LMBRD1: variants seen among roughly 807,000 people sequenced by gnomAD.
LMBRD1 encodes LMBR1 domain containing 1, also known as lysosomal cobalamin transport escort protein LMBD1.
A neutral mutation model predicts 74.8 loss-of-function variants in LMBRD1; 64 were observed. The ratio of observed to expected loss-of-function variants is 0.86; its 90% CI spans 0.70 to 1.05. LMBRD1 has a LOEUF of 1.05. LMBRD1 is among the 50% of genes least tolerant of loss of function. LMBRD1 has a pLI of 0.00. For synonymous variants in LMBRD1, 204 were observed against 216.3 expected, an observed-to-expected ratio of 0.94 and a Z score of 0.50; for missense variants, 652 against 645.9, an observed-to-expected ratio of 1.01 and a Z score of -0.10.
At chr6:69,741,982 T>C (rs984373662) in intron 5 of LMBRD1, 105 bp from the exon 6 acceptor site, 2 of 720,984 alleles carry the variant, frequency 2.8e-6, no homozygotes, top group Non-Finnish European at 4.7e-6. Flanking sequence ...ATAAATAAAA[T>C]CTGTACTATG....
intron 3 of LMBRD1, among the ~76,000 whole-genome samples, chr6:69,769,048 C>G (rs1460728547): frequency 6.6e-6 from 1 of 152,088 alleles, no homozygotes; most frequent in Non-Finnish European, 1.5e-5. Flanking sequence ...CACTGAGCTT[C>G]TTAGATGGGT....
intron 10 of LMBRD1, 66 bp downstream of exon 10, chr6:69,701,823 G>T: frequency 8.9e-7 from 1 of 1,125,640 alleles, no homozygotes; most frequent in Non-Finnish European, 1.3e-6. Context: ...ATGGCATTCA[G>T]CAACAAAATG....
intron 1 of LMBRD1, among the ~76,000 whole-genome samples, chr6:69,794,306 A>C (rs1166564636): frequency 6.8e-6 from 1 of 146,140 alleles, no homozygotes; most frequent in African/African-American, 2.8e-5. Context: ...GGACAATTTA[A>C]ATTAAGACTG....
At position 69,674,494 on chromosome 6, in the gene LMBRD1, G is replaced by A. The variant is rs572200207; in HGVS notation, c.*1664C>T. Among the ~76,000 whole-genome samples the A allele has an allele frequency of 4.6e-5, 7 of 152,248 alleles. No individual in the cohort carries two copies. The highest frequency in any genetic ancestry group is 7.4e-5 in the Non-Finnish European group (5 of 68,018). On this transcript the variant is annotated 3_prime_UTR_variant, in exon 16 of 16. Coordinates refer to ENST00000649934, the MANE Select transcript of LMBRD1 (RefSeq NM_018368.4). ...TTTGTTTAGGCAATCAAGTGTCTGC[G>A]GTGCCATTTGTCAAAAAAATGAATG...
At chr6:69,696,840 G>A (rs537750703) in intron 14 of LMBRD1, among the ~76,000 whole-genome samples, 1 of 152,204 alleles carries the variant, frequency 6.6e-6, no homozygotes, top group African/African-American at 2.4e-5. Flanking sequence ...ATTCATGAAT[G>A]ATTCACGCAG....
chr6:69,770,274 G>C (rs557970148), intron 3 of LMBRD1, among the ~76,000 whole-genome samples: 23 of 152,260 alleles, frequency 1.5e-4, no homozygotes, highest in African/African-American at 2.6e-4. Flanking sequence ...GACCCACCCT[G>C]CCCTGGCAGA....
intron 4 of LMBRD1, among the ~76,000 whole-genome samples, chr6:69,750,498 G>A (rs898363985): frequency 6.6e-6 from 1 of 151,856 alleles, no homozygotes; most frequent in African/African-American, 2.4e-5. Flanking sequence ...ATTTTAAATC[G>A]GTCAGAAATA....
chr6:69,732,998 A>G (rs973671592), intron 7 of LMBRD1, among the ~76,000 whole-genome samples: 1 of 152,220 alleles, frequency 6.6e-6, no homozygotes, highest in Admixed American at 6.5e-5. Flanking sequence ...TCACTGTCCA[A>G]TTATTTGGCA....
At chr6:69,735,052 T>C (rs917985859) in intron 7 of LMBRD1, among the ~76,000 whole-genome samples, 1 of 152,248 alleles carries the variant, frequency 6.6e-6, no homozygotes, top group African/African-American at 2.4e-5. Context: ...ATTGCAATTA[T>C]TGTTATGCAC....
intron 7 of LMBRD1, among the ~76,000 whole-genome samples, chr6:69,720,064 TTTAA>T (rs1308401578): frequency 2.0e-5 from 3 of 152,240 alleles, no homozygotes; most frequent in Non-Finnish European, 4.4e-5. Flanking sequence ...TAGTGTTAAT[TTTAA>T]TTAGTTTAAT....
intron 14 of LMBRD1, among the ~76,000 whole-genome samples, chr6:69,686,589 A>G (rs1041632317): frequency 1.3e-5 from 2 of 151,738 alleles, no homozygotes; most frequent in Admixed American, 6.6e-5. Context: ...ACCCTTAAAA[A>G]ACGGGCATCA....
intron 9 of LMBRD1, among the ~76,000 whole-genome samples, chr6:69,709,390 AC>A (rs1206341614): frequency 2.0e-5 from 3 of 152,198 alleles, no homozygotes; most frequent in Non-Finnish European, 4.4e-5. Flanking sequence ...TACACATTAA[AC>A]CCTCAATTAC....
chr6:69,679,185 T>C (rs1213757921), intron 14 of LMBRD1, among the ~76,000 whole-genome samples: 1 of 152,130 alleles, frequency 6.6e-6, no homozygotes, highest in Non-Finnish European at 1.5e-5. Flanking sequence ...GTCTTTCTTC[T>C]CTTTATCAAC....
chr6:69,754,151 T>TAG (rs10674361), intron 3 of LMBRD1, among the ~76,000 whole-genome samples: 55,876 of 151,680 alleles, frequency 0.37, 10,743 homozygotes, highest in East Asian at 0.54. Flanking sequence ...AAGGGCAGAA[T>TAG]AGAGTTACTG....
chr6:69,780,884 A>G (rs1765819523), intron 2 of LMBRD1, among the ~76,000 whole-genome samples: 1 of 152,204 alleles, frequency 6.6e-6, no homozygotes, highest in Non-Finnish European at 1.5e-5. Context: ...GGAAAGAGGG[A>G]GTAAAGAACA....
intron 8 of LMBRD1, among the ~76,000 whole-genome samples, chr6:69,718,625 C>A (rs1766545205): frequency 6.6e-6 from 1 of 152,078 alleles, no homozygotes; most frequent in African/African-American, 2.4e-5. Context: ...CATGTGGCGG[C>A]AGGAAGGAGA....
At chr6:69,706,988 G>A (rs932040712) in intron 9 of LMBRD1, among the ~76,000 whole-genome samples, 1 of 152,142 alleles carries the variant, frequency 6.6e-6, no homozygotes. Flanking sequence ...AAAACCAAGA[G>A]TAGGGCTATG....
At chr6:69,775,007 G>T (rs373112271) in intron 3 of LMBRD1, among the ~76,000 whole-genome samples, 1 of 76,076 alleles carries the variant, frequency 1.3e-5, no homozygotes, top group Non-Finnish European at 2.7e-5. Context: ...GGGAGGGAGG[G>T]AGGGAGGGAG....
chr6:69,676,976 T>C (rs558845820), intron 14 of LMBRD1, among the ~76,000 whole-genome samples: 5 of 152,272 alleles, frequency 3.3e-5, no homozygotes, highest in Non-Finnish European at 5.9e-5. Context: ...AAAGGTCTAA[T>C]ACCTTTCCTC....
Sources: gnomAD v4.1 joint callset for allele counts (sites outside exome capture counted in the v4.1 genomes callset) on GRCh38, gnomAD v4.1.1 for gene constraint, MANE v1.5 for transcripts, NCBI Gene and HGNC (gene_info 2026-07-23, HGNC 2026-07-21) for gene names.